NR3C1: variants seen among roughly 807,000 people sequenced by gnomAD.
NR3C1 encodes nuclear receptor subfamily 3 group C member 1.
A neutral mutation model predicts 74.0 loss-of-function variants in NR3C1; 14 were observed. That is an observed-to-expected ratio of 0.19 (90% confidence interval 0.12 to 0.30). The LOEUF (loss-of-function observed/expected upper bound fraction) is 0.30. NR3C1 is among the 10% of genes least tolerant of loss of function. The pLI, the probability that NR3C1 is intolerant of heterozygous loss-of-function variation, is 1.00. For missense variants in NR3C1, 695 were observed against 909.8 expected (o/e 0.76, Z 3.04); for synonymous variants, 308 against 332.5 (o/e 0.93, Z 0.80).
rs1817830784 is a variant in NR3C1, at chr5:143,298,720, T to C, written c.1840A>G (p.Arg614Gly). The change falls in exon 6 of 9, where the codon AGA (arginine) becomes GGA (glycine). Residue 614 changes from arginine (R) to glycine (G), a missense_variant. Physicochemically the swap from Arg to Gly is moderately radical, Grantham distance 125. Coordinates refer to ENST00000394464, the MANE Select transcript of NR3C1 (RefSeq NM_000176.3). ...CACAGCAGGTTTGCACTTGATTGTC[T>C]ATATGATCTCCACCCCAGAGCAAAT... The part of the protein sequence containing the change: ...MAFALGWRSY[R>G]QSSANLLCFA... 1 of 1,613,856 alleles carries C rather than the reference T, an allele frequency of 6.2e-7. No individual in the cohort carries two copies.
chr5:143,279,297 A>G lies in NR3C1; in HGVS notation c.*2592T>C. ...TCAGTTGACTTATTATTGACAACGA[A>G]GTGCACATAATCTTCTTTTTCTCAT... On this transcript the variant is annotated 3_prime_UTR_variant, in exon 9 of 9. Transcript: ENST00000394464. 1 of 1,517,992 alleles carries G rather than the reference A, an allele frequency of 6.6e-7. No individual in the cohort carries two copies. Among genetic ancestry groups the G allele is most frequent in the Non-Finnish European group, 8.8e-7 (1 of 1,130,924 alleles). The allele number at this position is 1,517,992 out of a possible 1,614,324, so 94.0% of individuals were successfully genotyped here. A position where few individuals can be genotyped will look rare whatever the true frequency, so the allele number is the denominator to read the frequency against.
At chr5:143,340,752 G>A (rs891143198) in intron 2 of NR3C1, among the ~76,000 whole-genome samples, 10 of 151,984 alleles carry the variant, frequency 6.6e-5, no homozygotes, top group African/African-American at 1.9e-4. Flanking sequence ...AAGTGCTGGG[G>A]TTACAGACAT....
intron 2 of NR3C1, among the ~76,000 whole-genome samples, chr5:143,383,138 C>T (rs894027962): frequency 6.6e-6 from 1 of 152,210 alleles, no homozygotes; most frequent in Admixed American, 6.5e-5. Flanking sequence ...ATGTAACACC[C>T]ATAAACCATA....
chr5:143,311,682 C>T (rs1021957717), intron 3 of NR3C1, among the ~76,000 whole-genome samples: 3 of 151,800 alleles, frequency 2.0e-5, no homozygotes, highest in Admixed American at 6.6e-5. Context: ...GTTCTTGCTA[C>T]GTTGCCTAGG....
At chr5:143,352,451 T>A (rs1412183545) in intron 2 of NR3C1, among the ~76,000 whole-genome samples, 1 of 152,224 alleles carries the variant, frequency 6.6e-6, no homozygotes, top group Non-Finnish European at 1.5e-5. Context: ...ATCATGTTCT[T>A]CAGTTAGAGA....
In NR3C1 at chr5:143,373,666, T is replaced by C. The variant is rs191279112; in HGVS notation, c.1184+25990A>G. Among the ~76,000 whole-genome samples, 80 of 151,486 alleles carry C rather than the reference T, an allele frequency of 5.3e-4. 1 individual carries two copies. Among genetic ancestry groups the C allele is most frequent in the Admixed American group, 3.9e-3 (60 of 15,246 alleles). Reference sequence around the variant, plus strand: ...TTCCACAACATAAAGTTAAAACATATGAAACTAAATAATGTATTATTTAGG... The same window carrying C: ...TTCCACAACATAAAGTTAAAACATACGAAACTAAATAATGTATTATTTAGG... On this transcript the variant is annotated intron_variant, in intron 2 of 8. Coordinates refer to ENST00000394464, the MANE Select transcript of NR3C1 (RefSeq NM_000176.3).
intron 2 of NR3C1, among the ~76,000 whole-genome samples, chr5:143,390,967 G>A (rs188477933): frequency 2.6e-5 from 4 of 152,182 alleles, no homozygotes; most frequent in Admixed American, 2.6e-4. Context: ...GGTTCTGAAG[G>A]CAGTTTCAAA....
chr5:143,329,909 A>C lies in NR3C1; in HGVS notation c.1185-15741T>G, dbSNP rs77472670. On this transcript the variant is annotated intron_variant, in intron 2 of 8. Transcript: ENST00000394464. ...AAATTATATAATTAAATATCAGTCA[A>C]AACATACTAAAAAATGTATTGTGGT... is the stretch of plus-strand genomic sequence containing the variant. Among the ~76,000 whole-genome samples the C allele has an allele frequency of 5.3e-5, 8 of 152,304 alleles. No individual in the cohort carries two copies. In the East Asian group the frequency reaches 1.5e-3, roughly 29 times the overall value.
At chr5:143,347,109 A>G (rs969685658) in intron 2 of NR3C1, among the ~76,000 whole-genome samples, 3 of 152,352 alleles carry the variant, frequency 2.0e-5, no homozygotes, top group Admixed American at 6.5e-5. Flanking sequence ...CAAGAAATGT[A>G]TATTTGACAT....
intron 1 of NR3C1, among the ~76,000 whole-genome samples, chr5:143,402,265 A>G (rs886413279): frequency 5.3e-5 from 8 of 152,156 alleles, no homozygotes; most frequent in African/African-American, 9.7e-5. Context: ...AACCAAAACA[A>G]TATTTCCTAA....
At chr5:143,295,073 C>T in intron 7 of NR3C1, 1 of 985,390 alleles carries the variant, frequency 1.0e-6, no homozygotes, top group Non-Finnish European at 1.2e-6. Context: ...ATTTCTCATA[C>T]ATGCTAATAC....
intron 2 of NR3C1, among the ~76,000 whole-genome samples, chr5:143,352,719 A>G (rs1195620375): frequency 3.3e-5 from 5 of 152,140 alleles, no homozygotes; most frequent in African/African-American, 1.2e-4. Context: ...TTAAAAATGT[A>G]TTTACCTTAA....
chr5:143,330,620 T>C (rs1453161747), intron 2 of NR3C1, among the ~76,000 whole-genome samples: 1 of 152,216 alleles, frequency 6.6e-6, no homozygotes, highest in Non-Finnish European at 1.5e-5. Flanking sequence ...ATATAAGCAG[T>C]TCTGCATGCA....
At chr5:143,431,406 G>T (rs762969211) in intron 1 of NR3C1, among the ~76,000 whole-genome samples, 1 of 151,916 alleles carries the variant, frequency 6.6e-6, no homozygotes, top group Non-Finnish European at 1.5e-5. Context: ...AGAAAAATTG[G>T]TGTTATGCAT....
intron 2 of NR3C1, among the ~76,000 whole-genome samples, chr5:143,370,347 C>CT (rs924210455): frequency 1.2e-4 from 18 of 152,284 alleles, no homozygotes; most frequent in African/African-American, 3.9e-4. Flanking sequence ...AAGTAACCTA[C>CT]TTTTTGTTTA....
chr5:143,311,808 T>G (rs563511648), intron 3 of NR3C1, among the ~76,000 whole-genome samples: 1 of 137,928 alleles, frequency 7.3e-6, no homozygotes, highest in Non-Finnish European at 1.6e-5. Context: ...TTTTTTTTTT[T>G]CCTGTAGAGA....
chr5:143,327,567 G>A (rs1448372127), intron 2 of NR3C1, among the ~76,000 whole-genome samples: 3 of 152,194 alleles, frequency 2.0e-5, no homozygotes, highest in South Asian at 2.1e-4. Context: ...TTCCACGTAT[G>A]AGCCTATAAA....
chr5:143,286,532 C>T (rs10482699), intron 7 of NR3C1, among the ~76,000 whole-genome samples: 12 of 152,016 alleles, frequency 7.9e-5, no homozygotes, highest in African/African-American at 2.9e-4. Context: ...GGCACAAAAG[C>T]ATATGATAAA....
chr5:143,278,489 T>C lies in NR3C1; in HGVS notation c.*3400A>G, dbSNP rs531438561. On this transcript the variant is annotated 3_prime_UTR_variant, in exon 9 of 9. Coordinates refer to ENST00000394464, the MANE Select transcript of NR3C1 (RefSeq NM_000176.3). ...ACTAATCCTGGGTGGACCAGGTTGC[T>C]TGAAAATAGTCTGGGAAATTACGAA... 6.6e-6 allele frequency: 1 copy of C among 152,274 alleles called. No individual in the cohort carries two copies. Among genetic ancestry groups the C allele is most frequent in the African/African-American group, 2.4e-5 (1 of 41,560 alleles). 9.4% of individuals were successfully genotyped at this position (152,274 alleles called of 1,614,324 possible). A position where few individuals can be genotyped will look rare whatever the true frequency, so the allele number is the denominator to read the frequency against.
Sources: gnomAD v4.1 joint callset for allele counts (sites outside exome capture counted in the v4.1 genomes callset) on GRCh38, gnomAD v4.1.1 for gene constraint, MANE v1.5 for transcripts, NCBI Gene and HGNC (gene_info 2026-07-23, HGNC 2026-07-21) for gene names.